The following EYA4 variants were observed in gnomAD, a reference collection of about 807,000 sequenced individuals.
The protein encoded by EYA4 is EYA transcriptional coactivator and phosphatase 4, also known as protein phosphatase EYA4.
In EYA4, 31 loss-of-function variants were observed where a neutral mutation model predicts 87.9. The observed-to-expected ratio is 0.35, with a 90% CI of 0.27 to 0.48. EYA4 has a LOEUF of 0.48. Among genes scored for constraint, EYA4 ranks in the 20% least tolerant of loss-of-function variants. EYA4 has a pLI of 0.99. For missense variants in EYA4, 678 were observed against 761.4 expected (o/e 0.89, Z 1.29); for synonymous variants, 263 against 270.6 (o/e 0.97, Z 0.28).
At chr6:133,374,342 C>G (rs1436278979) in intron 2 of EYA4, among the ~76,000 whole-genome samples, 1 of 151,906 alleles carries the variant, frequency 6.6e-6, no homozygotes, top group Non-Finnish European at 1.5e-5. Context: ...GTCTAACCTC[C>G]CTCCCCCAAA....
intron 17 of EYA4, among the ~76,000 whole-genome samples, chr6:133,517,895 G>A (rs772137828): frequency 2.0e-5 from 3 of 152,182 alleles, no homozygotes; most frequent in South Asian, 2.1e-4. Context: ...TGTTTCAGAC[G>A]TTAGGCTGAA....
chr6:133,267,258 A>T (rs1033552570), intron 1 of EYA4, among the ~76,000 whole-genome samples: 2 of 152,152 alleles, frequency 1.3e-5, no homozygotes, highest in South Asian at 2.1e-4. Context: ...TGTTTATCAA[A>T]TTTTTTTTAG....
At chr6:133,527,689 C>T (rs776239310) in intron 19 of EYA4, among the ~76,000 whole-genome samples, 4 of 152,134 alleles carry the variant, frequency 2.6e-5, no homozygotes, top group Non-Finnish European at 4.4e-5. Flanking sequence ...TGGCTGGTGG[C>T]TACCATAGTG....
intron 2 of EYA4, among the ~76,000 whole-genome samples, chr6:133,326,692 T>C (rs1327056323): frequency 6.6e-6 from 1 of 152,208 alleles, no homozygotes; most frequent in Non-Finnish European, 1.5e-5. Context: ...CCTTGCCGGC[T>C]TGCCTGGACA....
chr6:133,531,277 G>T lies in EYA4; in HGVS notation c.*2472G>T. On this transcript the variant is annotated 3_prime_UTR_variant, in exon 20 of 20. Coordinates refer to ENST00000355286, the MANE Select transcript of EYA4 (RefSeq NM_004100.5). ...ACAGCTTGTCTGGCACAACAATGGT[G>T]CAGGCCCACGAGCCAGCATCACAGC... 3.6e-6 allele frequency: 5 copies of T among 1,380,284 alleles called. No individual in the cohort carries two copies. The highest frequency in any genetic ancestry group is 5.0e-6 in the Non-Finnish European group (5 of 1,006,492). 85.5% of individuals were successfully genotyped at this position (1,380,284 alleles called of 1,614,324 possible).
At chr6:133,299,955 C>CTATCTATATATATA (rs1554220543) in intron 2 of EYA4, among the ~76,000 whole-genome samples, 7 of 106,208 alleles carry the variant, frequency 6.6e-5, no homozygotes, top group Admixed American at 1.9e-4. Flanking sequence ...ATCTATCTAT[C>CTATCTATATATATA]TATATATATA....
intron 3 of EYA4, among the ~76,000 whole-genome samples, chr6:133,421,265 C>G (rs1291263457): frequency 1.3e-5 from 2 of 152,216 alleles, no homozygotes; most frequent in African/African-American, 2.4e-5. Flanking sequence ...GAGCCACATT[C>G]CAGCATCAGT....
intron 2 of EYA4, among the ~76,000 whole-genome samples, chr6:133,369,371 G>A (rs72997724): frequency 0.056 from 8,485 of 151,192 alleles, 360 homozygotes; most frequent in Non-Finnish European, 0.088. Flanking sequence ...CCTCTCTTTC[G>A]TAAACATAAA....
At chr6:133,338,576 G>A (rs919727403) in intron 2 of EYA4, among the ~76,000 whole-genome samples, 8 of 152,032 alleles carry the variant, frequency 5.3e-5, no homozygotes, top group African/African-American at 1.9e-4. Flanking sequence ...TAATCATTCA[G>A]CCTCTATTAA....
At chr6:133,293,182 G>T (rs1301535916) in intron 2 of EYA4, among the ~76,000 whole-genome samples, 1 of 152,000 alleles carries the variant, frequency 6.6e-6, no homozygotes, top group East Asian at 1.9e-4. Flanking sequence ...AGCTGTCTTT[G>T]TTATGCCCTC....
At chr6:133,443,058 G>A (rs1583292435) in intron 3 of EYA4, among the ~76,000 whole-genome samples, 1 of 151,750 alleles carries the variant, frequency 6.6e-6, no homozygotes, top group South Asian at 2.1e-4. Flanking sequence ...ATGTTTATAA[G>A]AAATATATAT....
In EYA4 at chr6:133,313,894, TA is replaced by T. The variant is rs1365077907; in HGVS notation, c.33+39082del. On this transcript the variant is annotated intron_variant, in intron 2 of 19. Coordinates refer to ENST00000355286, the MANE Select transcript of EYA4 (RefSeq NM_004100.5). ...TTCCATGAGGATCTTTCTGATGTCT[TA>T]TTTTTTTTCTGAGAGAGGCTGTGCA... Among the ~76,000 whole-genome samples the T allele has an allele frequency of 5.6e-5, 4 of 71,572 alleles. No homozygotes were observed. The South Asian group carries it at 1.2e-3, about 22-fold the overall frequency. The allele number at this position is 71,572 out of a possible 152,430, so 47.0% of individuals were successfully genotyped here.
intron 8 of EYA4, 57 bp downstream of exon 8, chr6:133,462,534 G>A (rs1794491161): frequency 3.1e-6 from 5 of 1,612,594 alleles, no homozygotes; most frequent in East Asian, 2.2e-5. Context: ...CTGCTGGCTG[G>A]TAGCTTTGTA....
At chr6:133,352,404 A>G (rs1273239004) in intron 2 of EYA4, among the ~76,000 whole-genome samples, 6 of 152,176 alleles carry the variant, frequency 3.9e-5, no homozygotes, top group Non-Finnish European at 7.4e-5. Context: ...CAATGAAACA[A>G]CATGGAAAAT....
chr6:133,325,347 A>G (rs2128367449), intron 2 of EYA4: 1 of 152,338 alleles, frequency 6.6e-6, no homozygotes, highest in East Asian at 1.9e-4. Context: ...TAATCAGGTA[A>G]CAATGGGAGC....
rs1208286539 is a variant in EYA4, at chr6:133,342,585, A to ATATATG, written c.34-39802_34-39801insGTATAT. Among the ~76,000 whole-genome samples, 11 of 92,458 alleles carry ATATATG rather than the reference A, an allele frequency of 1.2e-4. No homozygotes were observed. The East Asian group carries it at 2.7e-3, about 23-fold the overall frequency. The allele number at this position is 92,458 out of a possible 152,430, so 60.7% of individuals were successfully genotyped here. ...AAGGTACACACTGCCATATATATAT[A>ATATATG]TATATATATATATATATATAATTCT... On this transcript the variant is annotated intron_variant, in intron 2 of 19. Coordinates refer to ENST00000355286, the MANE Select transcript of EYA4 (RefSeq NM_004100.5).
At position 133,490,315 on chromosome 6, in the gene EYA4, T is replaced by G. The variant is rs1797032738; in HGVS notation, c.1191+7200T>G. Among the ~76,000 whole-genome samples, 6 of 151,576 alleles carry G rather than the reference T, an allele frequency of 4.0e-5. No homozygotes were observed. In the South Asian group the frequency reaches 1.2e-3, roughly 32 times the overall value. On this transcript the variant is annotated intron_variant, in intron 13 of 19. Transcript: ENST00000355286. ...AATGGCAGGAATAAGTCCTTACTTA[T>G]CAGTAATAACACTGAATGTAAATGG...
intron 2 of EYA4, among the ~76,000 whole-genome samples, chr6:133,349,099 C>T (rs1783437265): frequency 6.6e-6 from 1 of 152,206 alleles, no homozygotes; most frequent in African/African-American, 2.4e-5. Context: ...AGGGCTTTTG[C>T]ACTTACTTTC....
chr6:133,466,156 G>T (rs1014678728), intron 10 of EYA4, among the ~76,000 whole-genome samples: 4 of 152,126 alleles, frequency 2.6e-5, no homozygotes, highest in African/African-American at 9.7e-5. Context: ...TGGACAGAGG[G>T]TGGGATGGGA....
Sources: gnomAD v4.1 joint callset for allele counts (sites outside exome capture counted in the v4.1 genomes callset) on GRCh38, gnomAD v4.1.1 for gene constraint, MANE v1.5 for transcripts, NCBI Gene and HGNC (gene_info 2026-07-23, HGNC 2026-07-21) for gene names.